Variants in MAGI1 observed in about 807,000 individuals in gnomAD.
MAGI1 encodes the protein membrane-associated guanylate kinase, WW and PDZ domain-containing protein 1.
A neutral mutation model predicts 139.9 loss-of-function variants in MAGI1; 58 were observed. The observed-to-expected ratio is 0.41, with a 90% confidence interval of 0.34 to 0.52. MAGI1 has a LOEUF of 0.52. Ranked by LOEUF, MAGI1 falls within the 20% of genes least tolerant of loss-of-function variation. The probability of loss-of-function intolerance (pLI) is 0.12; values close to 1 mark genes in which losing one functional copy is unlikely to be tolerated. For missense variants in MAGI1, 1,874 were observed against 1,901.6 expected (o/e 0.99, Z 0.27); for synonymous variants, 812 against 737.9 (o/e 1.10, Z -1.63).
intron 1 of MAGI1, among the ~76,000 whole-genome samples, chr3:65,777,111 A>G (rs1292854909): frequency 1.3e-5 from 2 of 152,248 alleles, no homozygotes; most frequent in Non-Finnish European, 2.9e-5. Context: ...ATGTATGAAC[A>G]AAACGCAAAC....
At chr3:65,901,094 AC>A (rs1460862208) in intron 1 of MAGI1, among the ~76,000 whole-genome samples, 1 of 152,226 alleles carries the variant, frequency 6.6e-6, no homozygotes, top group Non-Finnish European at 1.5e-5. Context: ...TGCTTCAGAT[AC>A]CCTTACAGTA....
At chr3:65,887,688 G>A (rs1271041073) in intron 1 of MAGI1, among the ~76,000 whole-genome samples, 1 of 151,996 alleles carries the variant, frequency 6.6e-6, no homozygotes, top group Non-Finnish European at 1.5e-5. Context: ...CACAATCATA[G>A]GACACCACTA....
chr3:65,606,333 T>C (rs182861234), intron 2 of MAGI1, among the ~76,000 whole-genome samples: 2 of 152,084 alleles, frequency 1.3e-5, no homozygotes, highest in African/African-American at 4.8e-5. Flanking sequence ...TTTATTTTTT[T>C]ATTTTGTTTA....
intron 2 of MAGI1, among the ~76,000 whole-genome samples, chr3:65,507,958 G>A (rs868179312): frequency 6.6e-6 from 1 of 151,882 alleles, no homozygotes; most frequent in Non-Finnish European, 1.5e-5. Flanking sequence ...ACATTTGCTT[G>A]GAAAATGCAG....
At chr3:65,887,963 ATAAC>A (rs2060596831) in intron 1 of MAGI1, among the ~76,000 whole-genome samples, 1 of 152,204 alleles carries the variant, frequency 6.6e-6, no homozygotes, top group Non-Finnish European at 1.5e-5. Context: ...TACACTCTCA[ATAAC>A]TGACTGTATC....
chr3:65,694,131 C>T (rs530709663), intron 1 of MAGI1, among the ~76,000 whole-genome samples: 1 of 152,198 alleles, frequency 6.6e-6, no homozygotes, highest in Admixed American at 6.5e-5. Flanking sequence ...TAAAATAGAG[C>T]CAGATAACTA....
intron 1 of MAGI1, among the ~76,000 whole-genome samples, chr3:65,741,755 A>C (rs2107783877): frequency 6.6e-6 from 1 of 152,328 alleles, no homozygotes; most frequent in East Asian, 1.9e-4. Context: ...TAGACATCAA[A>C]GGATGTGTTT....
chr3:65,714,454 C>T (rs554389942), intron 1 of MAGI1, among the ~76,000 whole-genome samples: 2 of 152,074 alleles, frequency 1.3e-5, no homozygotes, highest in Non-Finnish European at 1.5e-5. Flanking sequence ...GTACAATCTC[C>T]ACCTGGGCCC....
chr3:66,027,687 T>C (rs975687395), intron 1 of MAGI1, among the ~76,000 whole-genome samples: 11 of 152,188 alleles, frequency 7.2e-5, no homozygotes, highest in Admixed American at 2.0e-4. Flanking sequence ...AAATAATAGT[T>C]ACAATTACTA....
intron 2 of MAGI1, among the ~76,000 whole-genome samples, chr3:65,501,387 C>T (rs2077071975): frequency 7.2e-6 from 1 of 138,102 alleles, no homozygotes; most frequent in African/African-American, 2.7e-5. Flanking sequence ...CAGAGAACTG[C>T]TTGAACCCGG....
chr3:65,859,512 T>C (rs2059478214), intron 1 of MAGI1, among the ~76,000 whole-genome samples: 1 of 152,072 alleles, frequency 6.6e-6, no homozygotes, highest in South Asian at 2.1e-4. Flanking sequence ...GTGGATCACC[T>C]GAGGCCAGGA....
intron 1 of MAGI1, among the ~76,000 whole-genome samples, chr3:65,730,856 G>A (rs1258245933): frequency 6.6e-6 from 1 of 152,008 alleles, no homozygotes; most frequent in Non-Finnish European, 1.5e-5. Context: ...TGTTGTCAGA[G>A]CTGTAGAACA....
At chr3:65,483,921 G>A (rs554969601) in intron 3 of MAGI1, among the ~76,000 whole-genome samples, 1 of 152,280 alleles carries the variant, frequency 6.6e-6, no homozygotes, top group African/African-American at 2.4e-5. Context: ...AAATATTTAA[G>A]GAGGATTGTA....
chr3:65,356,633 C>G lies in MAGI1; in HGVS notation c.4134G>C (p.Leu1378=). The change falls in exon 23 of 23, where the codon CTG becomes CTC. Residue 1378 remains leucine (L), a synonymous_variant. Transcript: ENST00000402939. ...SRRRRSLERL[L]EQRRSPERRR... ...TGCGCTCGGGGGACCTCCTCTGCTC[C>G]AGGAGTCTCTCCAGAGACCGTCTCC... The G allele has an allele frequency of 6.3e-7, 1 of 1,589,538 alleles. No individual in the cohort carries two copies. Among genetic ancestry groups the G allele is most frequent in the Non-Finnish European group, 8.5e-7 (1 of 1,170,198 alleles).
chr3:65,632,971 A>G (rs1425477683), intron 1 of MAGI1, among the ~76,000 whole-genome samples: 2 of 152,186 alleles, frequency 1.3e-5, no homozygotes, highest in Non-Finnish European at 2.9e-5. Flanking sequence ...AGCAGCAGCA[A>G]TACCCAGAAA....
At chr3:65,786,758 C>T (rs1247256310) in intron 1 of MAGI1, among the ~76,000 whole-genome samples, 1 of 151,374 alleles carries the variant, frequency 6.6e-6, no homozygotes, top group African/African-American at 2.4e-5. Flanking sequence ...ACTACAGGCG[C>T]CCGCCACCAC....
At chr3:65,459,383 C>G (rs889458487) in intron 5 of MAGI1, among the ~76,000 whole-genome samples, 1 of 152,178 alleles carries the variant, frequency 6.6e-6, no homozygotes, top group Non-Finnish European at 1.5e-5. Context: ...GTGTAGACTT[C>G]TTTGAGTAGT....
intron 1 of MAGI1, among the ~76,000 whole-genome samples, chr3:65,938,160 T>C (rs1361192629): frequency 6.6e-6 from 1 of 151,836 alleles, no homozygotes; most frequent in Middle Eastern, 3.2e-3. Flanking sequence ...AAATAGAGCT[T>C]CCATGAGAAA....
At chr3:65,894,664 A>C (rs35482956) in intron 1 of MAGI1, among the ~76,000 whole-genome samples, 5,390 of 152,326 alleles carry the variant, frequency 0.035, 110 homozygotes, top group African/African-American at 0.063. Flanking sequence ...GCAACCACCT[A>C]GGACAGTGGT....
Sources: gnomAD v4.1 joint callset for allele counts (sites outside exome capture counted in the v4.1 genomes callset) on GRCh38, gnomAD v4.1.1 for gene constraint, MANE v1.5 for transcripts, NCBI Gene and HGNC (gene_info 2026-07-23, HGNC 2026-07-21) for gene names.